CEP128: variants seen among roughly 807,000 people sequenced by gnomAD.
The protein encoded by CEP128 is centrosomal protein 128kDa.
CEP128 carries 132 observed loss-of-function variants against 156.7 expected under a neutral mutation model. The ratio of observed to expected loss-of-function variants is 0.84; its 90% CI spans 0.73 to 0.97. The LOEUF (loss-of-function observed/expected upper bound fraction) is 0.97, where lower values mean the gene tolerates loss of function less well. Among genes scored for constraint, CEP128 ranks in the 50% least tolerant of loss-of-function variants. CEP128 has a pLI of 0.00. For missense variants in CEP128, 1,252 were observed against 1,281.9 expected, an observed-to-expected ratio of 0.98 and a Z score of 0.36; for synonymous variants, 469 against 448.9, an observed-to-expected ratio of 1.04 and a Z score of -0.57.
chr14:80,768,872 C>T (rs1338913370), intron 16 of CEP128, among the ~76,000 whole-genome samples: 1 of 152,176 alleles, frequency 6.6e-6, no homozygotes, highest in Non-Finnish European at 1.5e-5. Context: ...AGACGATGAA[C>T]AGCATAATCA....
intron 13 of CEP128, among the ~76,000 whole-genome samples, chr14:80,797,882 C>G (rs567899729): frequency 6.6e-6 from 1 of 152,088 alleles, no homozygotes; most frequent in Admixed American, 6.5e-5. Flanking sequence ...AAGCATTTTA[C>G]TTATTTATTC....
chr14:80,512,995 G>A (rs1215367599), intron 23 of CEP128, among the ~76,000 whole-genome samples: 1 of 152,058 alleles, frequency 6.6e-6, no homozygotes, highest in East Asian at 1.9e-4. Context: ...CTGAAGGTAT[G>A]AGTACTTTAT....
chr14:80,788,208 C>T (rs938465997), intron 14 of CEP128, among the ~76,000 whole-genome samples: 9 of 151,852 alleles, frequency 5.9e-5, no homozygotes, highest in Middle Eastern at 3.2e-3. Flanking sequence ...CCTGGACATA[C>T]CCAGGGCCCT....
At chr14:80,892,084 GA>G (rs1889128356) in intron 8 of CEP128, among the ~76,000 whole-genome samples, 1 of 151,176 alleles carries the variant, frequency 6.6e-6, no homozygotes, top group Non-Finnish European at 1.5e-5. Context: ...AATTTGTATG[GA>G]AACATAAAGA....
intron 19 of CEP128, among the ~76,000 whole-genome samples, chr14:80,652,568 C>T (rs920354240): frequency 7.2e-5 from 11 of 152,166 alleles, no homozygotes; most frequent in African/African-American, 2.6e-4. Flanking sequence ...GACGTTTATG[C>T]AGCCAACAAA....
intron 19 of CEP128, among the ~76,000 whole-genome samples, chr14:80,627,604 T>G (rs144221766): frequency 6.6e-6 from 1 of 152,234 alleles, no homozygotes; most frequent in African/African-American, 2.4e-5. Context: ...GCAAGTTATA[T>G]GTTTATTTAG....
chr14:80,500,127 T>C (rs1382461937), intron 24 of CEP128, among the ~76,000 whole-genome samples: 1 of 152,192 alleles, frequency 6.6e-6, no homozygotes, highest in Non-Finnish European at 1.5e-5. Flanking sequence ...CTGACATAAA[T>C]TACTTCTTAA....
chr14:80,670,532 A>G (rs535323416), intron 19 of CEP128, among the ~76,000 whole-genome samples: 253 of 152,330 alleles, frequency 1.7e-3, no homozygotes, highest in Non-Finnish European at 2.8e-3. Flanking sequence ...CTCAGAAACA[A>G]AAAGTCAAAT....
chr14:80,788,958 C>A (rs1901562739), intron 14 of CEP128, among the ~76,000 whole-genome samples: 1 of 152,078 alleles, frequency 6.6e-6, no homozygotes, highest in Admixed American at 6.6e-5. Flanking sequence ...CAATTTTGTA[C>A]CTAGTGATGG....
intron 15 of CEP128, among the ~76,000 whole-genome samples, chr14:80,778,886 G>A (rs1333719937): frequency 5.3e-5 from 8 of 151,994 alleles, no homozygotes; most frequent in Admixed American, 5.2e-4. Context: ...TTTCATCCTC[G>A]TAACAACCTG....
chr14:80,594,040 T>G (rs945388850), intron 19 of CEP128, among the ~76,000 whole-genome samples: 9 of 152,104 alleles, frequency 5.9e-5, no homozygotes, highest in Non-Finnish European at 1.3e-4. Flanking sequence ...AAGAACAAAG[T>G]GGGAGGCATC....
chr14:80,513,838 GC>G (rs1419996833), intron 23 of CEP128, among the ~76,000 whole-genome samples: 1 of 152,108 alleles, frequency 6.6e-6, no homozygotes, highest in African/African-American at 2.4e-5. Context: ...TCTTGAAATG[GC>G]CCTGCAAAGC....
At chr14:80,605,483 T>C (rs1892740901) in intron 19 of CEP128, among the ~76,000 whole-genome samples, 4 of 152,092 alleles carry the variant, frequency 2.6e-5, no homozygotes, top group South Asian at 2.1e-4. Context: ...CTTTAGATAA[T>C]TGCAAATCTT....
intron 20 of CEP128, among the ~76,000 whole-genome samples, chr14:80,570,962 C>T (rs1325465373): frequency 6.6e-6 from 1 of 152,100 alleles, no homozygotes; most frequent in African/African-American, 2.4e-5. Flanking sequence ...ATATTTATTT[C>T]ACTATATAAT....
At chr14:80,537,730 G>A (rs1431858446) in intron 21 of CEP128, among the ~76,000 whole-genome samples, 2 of 152,108 alleles carry the variant, frequency 1.3e-5, no homozygotes, top group Non-Finnish European at 2.9e-5. Flanking sequence ...TATAAGCCAA[G>A]GTTTCCTAGA....
chr14:80,805,430 A>G (rs1173068304), intron 13 of CEP128, among the ~76,000 whole-genome samples: 1 of 152,112 alleles, frequency 6.6e-6, no homozygotes, highest in East Asian at 1.9e-4. Context: ...CTGGAAGCCT[A>G]AGCAGGGCCA....
intron 23 of CEP128, among the ~76,000 whole-genome samples, chr14:80,512,154 A>G (rs990406974): frequency 1.3e-5 from 2 of 152,046 alleles, no homozygotes; most frequent in Non-Finnish European, 2.9e-5. Context: ...AATCTGTCCA[A>G]AGCTGAAAGT....
intron 20 of CEP128, among the ~76,000 whole-genome samples, chr14:80,571,280 G>C (rs1284530887): frequency 2.0e-5 from 3 of 152,150 alleles, no homozygotes; most frequent in Non-Finnish European, 2.9e-5. Flanking sequence ...CAATGTATTG[G>C]TTCTTTTCTC....
upstream of CEP128, chr14:80,945,875 T>A (rs1886328450): frequency 6.6e-6 from 1 of 152,256 alleles, no homozygotes; most frequent in Admixed American, 6.5e-5. Context: ...AACTTCCAAG[T>A]TCCTGGATCC....
Sources: allele counts gnomAD v4.1 joint callset (sites outside exome capture counted in the v4.1 genomes callset), GRCh38; gene constraint gnomAD v4.1.1; transcripts MANE v1.5; gene names NCBI Gene and HGNC (gene_info 2026-07-23, HGNC 2026-07-21).